Variants in KANSL1 observed in about 807,000 individuals in gnomAD.
KANSL1 encodes MLL1/MLL complex subunit KANSL1.
A neutral mutation model predicts 103.6 loss-of-function variants in KANSL1; 22 were observed. That is an observed-to-expected ratio of 0.21 (90% confidence interval 0.15 to 0.30). The LOEUF is 0.30. Among genes scored for constraint, KANSL1 ranks in the 10% least tolerant of loss-of-function variants. The pLI is 1.00. For synonymous variants in KANSL1, 600 were observed against 527.6 expected (o/e 1.14, Z -1.88); for missense variants, 1,337 against 1,399.8 (o/e 0.96, Z 0.72).
intron 7 of KANSL1, among the ~76,000 whole-genome samples, chr17:46,046,402 G>C (rs1225834832): frequency 6.6e-6 from 1 of 151,720 alleles, no homozygotes; most frequent in Non-Finnish European, 1.5e-5. Context: ...AGGCATGGTG[G>C]TGTGCACCTG....
At chr17:46,087,633 A>C (rs1181567679) in intron 3 of KANSL1, among the ~76,000 whole-genome samples, 1 of 152,224 alleles carries the variant, frequency 6.6e-6, no homozygotes, top group Non-Finnish European at 1.5e-5. Flanking sequence ...AGCAGAAAAG[A>C]GCCTAACTGA....
intron 6 of KANSL1, among the ~76,000 whole-genome samples, chr17:46,060,523 A>G (rs2078120708): frequency 6.6e-6 from 1 of 152,214 alleles, no homozygotes; most frequent in Non-Finnish European, 1.5e-5. Context: ...TTCTTTTAGT[A>G]GCTTTATGTC....
At chr17:46,122,248 A>T (rs1436021150) in intron 2 of KANSL1, among the ~76,000 whole-genome samples, 2 of 152,224 alleles carry the variant, frequency 1.3e-5, no homozygotes, top group East Asian at 3.8e-4. Context: ...CTCTATCAGA[A>T]AAAAATGTCT....
At chr17:46,102,097 C>G (rs1281016439) in intron 2 of KANSL1, among the ~76,000 whole-genome samples, 3 of 152,184 alleles carry the variant, frequency 2.0e-5, no homozygotes, top group African/African-American at 7.2e-5. Context: ...CCAAACTGTC[C>G]AGAGTTAAAT....
intron 1 of KANSL1, among the ~76,000 whole-genome samples, chr17:46,176,403 T>C (rs1224160020): frequency 6.6e-6 from 1 of 152,220 alleles, no homozygotes; most frequent in Non-Finnish European, 1.5e-5. Flanking sequence ...AAATCCCATC[T>C]ACTCCAGCTG....
chr17:46,162,075 A>T (rs2045771396), intron 2 of KANSL1, among the ~76,000 whole-genome samples: 1 of 152,244 alleles, frequency 6.6e-6, no homozygotes, highest in Non-Finnish European at 1.5e-5. Flanking sequence ...AACTGGTAAG[A>T]TTTATTCTTA....
At chr17:46,215,932 C>G (rs2048325817) in intron 1 of KANSL1, among the ~76,000 whole-genome samples, 1 of 151,950 alleles carries the variant, frequency 6.6e-6, no homozygotes. Context: ...TCCCAGCTAC[C>G]CGGAGGCTGA....
intron 1 of KANSL1, among the ~76,000 whole-genome samples, chr17:46,189,031 CAAAAAAAAAAAAAAAAAAAAA>C (rs57566816): frequency 1.4e-3 from 88 of 62,378 alleles, no homozygotes; most frequent in Admixed American, 7.0e-3. Context: ...AAGATTGTCT[CAAAAAAAAAAAAAAAAAAAAA>C]AAAAAAAAAA....
chr17:46,193,784 T>A (rs987963660), upstream of KANSL1: 1 of 170,002 alleles, frequency 5.9e-6, no homozygotes, highest in East Asian at 1.9e-4. Context: ...CCCTCCGTGC[T>A]GGGGCCGGCG....
chr17:46,095,833 GA>G (rs918436622), intron 2 of KANSL1, among the ~76,000 whole-genome samples: 1 of 151,642 alleles, frequency 6.6e-6, no homozygotes, highest in Non-Finnish European at 1.5e-5. Context: ...TAGGATAAAA[GA>G]AAAAAAGACA....
At chr17:46,162,887 G>A (rs570747385) in intron 2 of KANSL1, among the ~76,000 whole-genome samples, 1 of 152,342 alleles carries the variant, frequency 6.6e-6, no homozygotes, top group African/African-American at 2.4e-5. Context: ...TTCTTTGAGA[G>A]TCAAGCACCT....
chr17:46,110,440 T>C (rs1453743219), intron 2 of KANSL1, among the ~76,000 whole-genome samples: 2 of 152,180 alleles, frequency 1.3e-5, no homozygotes, highest in Non-Finnish European at 2.9e-5. Context: ...GCCCCATTTT[T>C]ATAATAAGGA....
intron 2 of KANSL1, among the ~76,000 whole-genome samples, chr17:46,146,640 C>T (rs1198244375): frequency 8.7e-6 from 1 of 114,660 alleles, no homozygotes; most frequent in Non-Finnish European, 2.3e-5. Flanking sequence ...GAGACCATCC[C>T]AGCTAAAACG....
chr17:46,091,812 A>AGAATGTATGTATGTATGTATGTAGGTAT (rs1555757358), intron 3 of KANSL1, among the ~76,000 whole-genome samples: 11 of 151,506 alleles, frequency 7.3e-5, no homozygotes, highest in Non-Finnish European at 1.3e-4. Context: ...TATATATGTA[A>AGAATGTATGTATGTATGTATGTAGGTAT]GTATGTATGT....
upstream of KANSL1, among the ~76,000 whole-genome samples, chr17:46,197,967 C>T (rs890927213): frequency 2.0e-5 from 3 of 152,112 alleles, no homozygotes; most frequent in African/African-American, 7.2e-5. Context: ...ACTTTTTTTG[C>T]ACTTAAGAAA....
chr17:46,036,793 C>T (rs1437807689), intron 10 of KANSL1, among the ~76,000 whole-genome samples: 1 of 151,806 alleles, frequency 6.6e-6, no homozygotes, highest in Non-Finnish European at 1.5e-5. Flanking sequence ...GATCTCCGCT[C>T]ACTGGAACCT....
At chr17:46,218,596 A>G (rs1362169142) in intron 1 of KANSL1, among the ~76,000 whole-genome samples, 2 of 152,096 alleles carry the variant, frequency 1.3e-5, no homozygotes, top group Non-Finnish European at 2.9e-5. Flanking sequence ...CAGCCTGGCC[A>G]ACATAGTGAA....
At chr17:46,186,859 C>CT (rs1233249509) in intron 1 of KANSL1, among the ~76,000 whole-genome samples, 2 of 152,160 alleles carry the variant, frequency 1.3e-5, no homozygotes, top group African/African-American at 4.8e-5. Flanking sequence ...TCTTGAGTAG[C>CT]TGGGACTACA....
Position 46,031,244 on chromosome 17 carries a change from C to T in KANSL1, c.*232G>A. ...CAGGCCAGCAGGGTCTCATCCTGAA[C>T]TTCTGTTTGCCAACGGGAGGAAGTG... is the stretch of plus-strand genomic sequence containing the variant. On this transcript the variant is annotated 3_prime_UTR_variant, in exon 15 of 15. Transcript: ENST00000432791. 1 of 589,280 alleles carries T rather than the reference C, an allele frequency of 1.7e-6. No individual in the cohort carries two copies. Among genetic ancestry groups the T allele is most frequent in the South Asian group, 2.1e-5 (1 of 47,796 alleles). The allele number at this position is 589,280 out of a possible 1,614,324, so 36.5% of individuals were successfully genotyped here.
Sources: allele counts gnomAD v4.1 joint callset (sites outside exome capture counted in the v4.1 genomes callset), GRCh38; gene constraint gnomAD v4.1.1; transcripts MANE v1.5; gene names NCBI Gene and HGNC (gene_info 2026-07-23, HGNC 2026-07-21).